Variants in DACH2 observed in about 807,000 individuals in gnomAD.
The protein encoded by DACH2 is dachshund homolog 2.
DACH2 carries 17 observed loss-of-function variants against 35.8 expected under a neutral mutation model. The ratio of observed to expected loss-of-function variants is 0.48; its 90% CI spans 0.33 to 0.71. The LOEUF is 0.71. DACH2 is among the 30% of genes least tolerant of loss of function. The pLI is 0.02. For missense variants in DACH2, 469 were observed against 472.7 expected (o/e 0.99, Z 0.07); for synonymous variants, 195 against 177.3 (o/e 1.10, Z -0.79).
At chrX:86,397,017 C>G (rs999980852) in intron 2 of DACH2, among the ~76,000 whole-genome samples, 5 of 111,083 alleles carry the variant, frequency 4.5e-5, no homozygotes, top group African/African-American at 1.3e-4. Flanking sequence ...TCTTCCTACC[C>G]GTGAGCATGG....
At chrX:86,818,182 C>T (rs777340796) in intron 11 of DACH2, among the ~76,000 whole-genome samples, 27 of 111,394 alleles carry the variant, frequency 2.4e-4, no homozygotes, top group South Asian at 1.8e-3. Context: ...TCTCTTTGCA[C>T]GACATTTAAG....
In DACH2 at chrX:86,148,948, T is replaced by A. The variant is rs751072284; in HGVS notation, c.328T>A (p.Tyr110Asn). 6.5e-5 allele frequency: 79 copies of A among 1,208,643 alleles called. No homozygotes were observed. Among genetic ancestry groups the A allele is most frequent in the Non-Finnish European group, 8.7e-5 (78 of 895,004 alleles). ...CCTGGTGGGAGGCTTGCACACTGTG[T>A]ACACCAAGCTGAAGAGACTGGATAT... Reference protein sequence around the residue: ...KHLVGGLHTVYTKLKRLDISP... With the variant: ...KHLVGGLHTVNTKLKRLDISP... The change falls in exon 1 of 12, where the codon TAC becomes AAC. Residue 110 changes from tyrosine (Y) to asparagine (N), a missense_variant. Physicochemically the swap from Tyr to Asn is moderately radical, Grantham distance 143. Transcript: ENST00000373125.
chrX:86,337,432 T>C (rs2035332896), intron 1 of DACH2, among the ~76,000 whole-genome samples: 1 of 111,809 alleles, frequency 8.9e-6, no homozygotes, highest in African/African-American at 3.3e-5. Flanking sequence ...TCAACATTCT[T>C]AGAGAAAATA....
At chrX:86,581,372 A>G (rs1480725581) in intron 3 of DACH2, among the ~76,000 whole-genome samples, 1 of 110,378 alleles carries the variant, frequency 9.1e-6, no homozygotes, top group Non-Finnish European at 1.9e-5. Flanking sequence ...CACACATACC[A>G]ATATTAAACT....
At chrX:86,654,666 C>T (rs1385040346) in intron 4 of DACH2, among the ~76,000 whole-genome samples, 1 of 111,249 alleles carries the variant, frequency 9.0e-6, no homozygotes, top group Admixed American at 9.6e-5. Context: ...AGAATAGTTA[C>T]TAGTTACTAT....
intron 10 of DACH2, among the ~76,000 whole-genome samples, chrX:86,815,297 A>G (rs763059869): frequency 3.6e-5 from 4 of 111,333 alleles, no homozygotes; most frequent in East Asian, 2.8e-4. Context: ...ATCCCTGCAG[A>G]TCCTGTAAAT....
chrX:86,268,396 C>T (rs2033749042), intron 1 of DACH2, among the ~76,000 whole-genome samples: 1 of 111,459 alleles, frequency 9.0e-6, no homozygotes, highest in African/African-American at 3.2e-5. Context: ...CTCCATTTTT[C>T]AGATGAAGCA....
intron 2 of DACH2, among the ~76,000 whole-genome samples, chrX:86,439,631 C>T (rs1383994091): frequency 1.8e-5 from 2 of 111,090 alleles, no homozygotes; most frequent in Non-Finnish European, 3.8e-5. Flanking sequence ...TCCAATATTC[C>T]ACTCTAATTT....
chrX:86,454,147 C>T (rs1247095902), intron 2 of DACH2, among the ~76,000 whole-genome samples: 3 of 111,253 alleles, frequency 2.7e-5, no homozygotes, highest in East Asian at 2.8e-4. Flanking sequence ...AGAGGTCTGC[C>T]GTTATTCTGG....
intron 2 of DACH2, among the ~76,000 whole-genome samples, chrX:86,395,538 T>TC (rs891294162): frequency 5.9e-4 from 65 of 110,262 alleles, no homozygotes; most frequent in African/African-American, 2.0e-3. Flanking sequence ...CCTTCCTTCC[T>TC]CCCCCCACCC....
intron 2 of DACH2, among the ~76,000 whole-genome samples, chrX:86,435,200 A>G (rs1400270164): frequency 8.9e-6 from 1 of 111,744 alleles, no homozygotes; most frequent in African/African-American, 3.3e-5. Flanking sequence ...AGGAGTGCCA[A>G]GTGGGTAAAT....
chrX:86,283,896 A>G (rs1276567812), intron 1 of DACH2, among the ~76,000 whole-genome samples: 2 of 105,704 alleles, frequency 1.9e-5, no homozygotes, highest in African/African-American at 7.8e-5. Context: ...ACACACACAT[A>G]CACACACACA....
chrX:86,459,273 T>C (rs568357283), intron 2 of DACH2, among the ~76,000 whole-genome samples: 3 of 111,776 alleles, frequency 2.7e-5, no homozygotes, highest in Middle Eastern at 9.1e-3. Context: ...CAGATATTTA[T>C]AGAAGCTGCA....
chrX:86,678,216 T>C (rs1299335168), intron 4 of DACH2, among the ~76,000 whole-genome samples: 1 of 112,409 alleles, frequency 8.9e-6, no homozygotes, highest in African/African-American at 3.2e-5. Flanking sequence ...ACTGTAACCA[T>C]GAAATTTTTT....
intron 2 of DACH2, among the ~76,000 whole-genome samples, chrX:86,465,510 G>A (rs2037650671): frequency 9.0e-6 from 1 of 111,579 alleles, no homozygotes. Context: ...AAATTGAGTG[G>A]AATTTTGACA....
intron 1 of DACH2, chrX:86,345,514 GC>G: frequency 4.7e-6 from 1 of 211,469 alleles, no homozygotes; most frequent in South Asian, 5.9e-5. Flanking sequence ...AAGGAAAGAA[GC>G]AAAAATGAAA....
chrX:86,261,965 A>G (rs755599662), intron 1 of DACH2, among the ~76,000 whole-genome samples: 3 of 110,608 alleles, frequency 2.7e-5, no homozygotes, highest in Non-Finnish European at 5.7e-5. Flanking sequence ...TTTCTGGCCA[A>G]ATTTCAAATG....
At chrX:86,461,838 T>C (rs1429362998) in intron 2 of DACH2, among the ~76,000 whole-genome samples, 1 of 111,912 alleles carries the variant, frequency 8.9e-6, no homozygotes, top group Non-Finnish European at 1.9e-5. Flanking sequence ...GTATTGTGCT[T>C]TATTTTTTTG....
At chrX:86,413,315 C>T (rs1401171920) in intron 2 of DACH2, among the ~76,000 whole-genome samples, 4 of 111,991 alleles carry the variant, frequency 3.6e-5, no homozygotes, top group African/African-American at 1.3e-4. Flanking sequence ...AGGTATATTG[C>T]TGGTCTCGCC....
Sources: gnomAD v4.1 joint callset for allele counts (sites outside exome capture counted in the v4.1 genomes callset) on GRCh38, gnomAD v4.1.1 for gene constraint, MANE v1.5 for transcripts, NCBI Gene and HGNC (gene_info 2026-07-23, HGNC 2026-07-21) for gene names.